Variants in HOXC4 observed in about 807,000 individuals in gnomAD.
HOXC4 encodes homeobox protein Hox-C4.
In HOXC4, 15 loss-of-function variants were observed where a neutral mutation model predicts 25.5. The ratio of observed to expected loss-of-function variants is 0.59; its 90% CI spans 0.39 to 0.91. The LOEUF (loss-of-function observed/expected upper bound fraction) is 0.91, where lower values mean the gene tolerates loss of function less well. HOXC4 is among the 40% of genes least tolerant of loss of function. HOXC4 has a pLI of 0.00. For missense variants in HOXC4, 342 were observed against 352.4 expected (o/e 0.97, Z 0.24); for synonymous variants, 165 against 148.0 (o/e 1.11, Z -0.83).
intron 1 of HOXC4, chr12:54,029,936 A>G: frequency 1.3e-6 from 2 of 1,594,382 alleles, no homozygotes; most frequent in Non-Finnish European, 1.7e-6. Flanking sequence ...GCGGGAAGAG[A>G]CAGAAGAGGA....
chr12:54,030,203 T>C (rs1940930354), intron 1 of HOXC4: 2 of 432,806 alleles, frequency 4.6e-6, no homozygotes, highest in South Asian at 8.9e-5. Context: ...TCGGCTTGTC[T>C]ACAGGCCCTT....
Position 54,054,270 on chromosome 12 carries a change from C to T in HOXC4, c.348C>T (p.Ala116=). 3 of 1,610,168 alleles carry T rather than the reference C, an allele frequency of 1.9e-6. No homozygotes were observed. Among genetic ancestry groups the T allele is most frequent in the Non-Finnish European group, 2.5e-6 (3 of 1,178,216 alleles). Reference sequence around the variant, plus strand: ...CCTCCCCGTCCCCAGCCCCGCCAGCCTGCAGCCAGCCAGCCCCCGACCATC... The same window carrying T: ...CCTCCCCGTCCCCAGCCCCGCCAGCTTGCAGCCAGCCAGCCCCCGACCATC... ...ASASPSPAPP[A]CSQPAPDHPS... is the part of the protein sequence containing the mutation. The change falls in exon 1 of 2, where the codon GCC becomes GCT. Residue 116 remains alanine (A), a synonymous_variant. Coordinates refer to ENST00000430889, the MANE Select transcript of HOXC4 (RefSeq NM_153633.3).
At chr12:54,033,348 T>C (rs1941063972) in intron 1 of HOXC4, 1 of 1,612,752 alleles carries the variant, frequency 6.2e-7, no homozygotes, top group South Asian at 1.1e-5. Flanking sequence ...CCGCCCCGCC[T>C]GCAGCGCCGC....
chr12:54,017,262 T>C (rs1352241816), exon 1 of HOXC4: 4 of 152,216 alleles, frequency 2.6e-5, no homozygotes, highest in African/African-American at 9.7e-5. Context: ...TGGATGATTA[T>C]AATTATTTTT....
chr12:54,054,232 T>TCAGGCGCCTCCGCCTCCCC lies in HOXC4; in HGVS notation c.311_329dup (p.Ser111ArgfsTer41). On this transcript the variant is annotated frameshift_variant, in exon 1 of 2. Transcript: ENST00000430889. LOFTEE classifies it high-confidence loss of function. Reference sequence around the variant, plus strand: ...GTCGCTCTGCGAGCCGGCGCCTCTCTCAGGCGCCTCCGCCTCCCCGTCCCC... The same window carrying TCAGGCGCCTCCGCCTCCCC: ...GTCGCTCTGCGAGCCGGCGCCTCTCTCAGGCGCCTCCGCCTCCCCCAGGCGCCTCCGCCTCCCCGTCCCC... The TCAGGCGCCTCCGCCTCCCC allele has an allele frequency of 6.2e-7, 1 of 1,609,888 alleles. No homozygotes were observed.
intron 1 of HOXC4, chr12:54,033,012 C>G (rs1941044924): frequency 6.3e-6 from 5 of 796,920 alleles, no homozygotes; most frequent in South Asian, 1.8e-5. Flanking sequence ...AAAGAGATAT[C>G]TCCACCTATA....
chr12:54,033,389 C>T (rs1242301235), intron 1 of HOXC4: 2 of 1,612,700 alleles, frequency 1.2e-6, no homozygotes, highest in South Asian at 1.1e-5. Flanking sequence ...CGGGCAGAGA[C>T]GAAGCGGCTC....
chr12:54,018,489 G>C (rs1340878097), intron 1 of HOXC4, among the ~76,000 whole-genome samples: 1 of 152,254 alleles, frequency 6.6e-6, no homozygotes, highest in Non-Finnish European at 1.5e-5. Context: ...CTGGGGCGGC[G>C]GGAGGGTCCT....
intron 1 of HOXC4, among the ~76,000 whole-genome samples, chr12:54,043,248 C>T (rs1941303444): frequency 1.3e-5 from 2 of 152,218 alleles, no homozygotes; most frequent in Admixed American, 6.5e-5. Flanking sequence ...CATCTGTACA[C>T]ATGTACAGAG....
chr12:54,046,821 G>T (rs1413067773), intron 1 of HOXC4, among the ~76,000 whole-genome samples: 1 of 151,698 alleles, frequency 6.6e-6, no homozygotes, highest in African/African-American at 2.4e-5. Flanking sequence ...CCCTTCCTTC[G>T]CCTCACCTTC....
At chr12:54,043,918 C>CCGTG (rs1400348357) in intron 1 of HOXC4, among the ~76,000 whole-genome samples, 1 of 127,272 alleles carries the variant, frequency 7.9e-6, no homozygotes, top group Admixed American at 7.9e-5. Flanking sequence ...AAAACACAGG[C>CCGTG]TGTGTGTGTG....
At chr12:54,028,383 C>T (rs1940823530) in intron 1 of HOXC4, 2 of 911,106 alleles carry the variant, frequency 2.2e-6, no homozygotes, top group South Asian at 1.9e-5. Context: ...TTGCGATTGG[C>T]TGGGAGGGGG....
chr12:54,044,564 A>G (rs2136459348), intron 1 of HOXC4, among the ~76,000 whole-genome samples: 1 of 152,296 alleles, frequency 6.6e-6, no homozygotes, highest in East Asian at 1.9e-4. Context: ...GTAGAACTTC[A>G]GATGTATAAG....
chr12:54,047,848 T>C (rs1937753107), intron 1 of HOXC4: 2 of 152,370 alleles, frequency 1.3e-5, no homozygotes, highest in Admixed American at 1.3e-4. Flanking sequence ...CCCGTTTTTG[T>C]GGGGTTGAGA....
At chr12:54,030,129 C>T in intron 1 of HOXC4, 3 of 628,874 alleles carry the variant, frequency 4.8e-6, no homozygotes, top group Non-Finnish European at 8.1e-6. Context: ...TGGACCCCCT[C>T]CCTCACCGCA....
upstream of HOXC4, among the ~76,000 whole-genome samples, chr12:54,052,193 G>A (rs1937861250): frequency 6.6e-6 from 1 of 152,166 alleles, no homozygotes; most frequent in Admixed American, 6.5e-5. Context: ...TCGTGGAAAG[G>A]AGGGAGCAGG....
intron 1 of HOXC4, chr12:54,033,300 G>T: frequency 6.2e-7 from 1 of 1,614,052 alleles, no homozygotes; most frequent in Non-Finnish European, 8.5e-7. Context: ...CTCTCTCCAC[G>T]GGGTAGACAT....
rs748310147 is a variant in HOXC4 at position 54,054,892 on chromosome 12, C to T, written c.482C>T (p.Thr161Ile). Residue 161 changes from threonine (T) to isoleucine (I), a missense_variant, in exon 2 of 2, where the codon ACA becomes ATA. By Grantham distance (89) the Thr-to-Ile change is moderately conservative. Coordinates refer to ENST00000430889, the MANE Select transcript of HOXC4 (RefSeq NM_153633.3). ...GGAGGGGAACCCAAGCGCTCGAGGA[C>T]AGCCTATACCCGGCAGCAAGTCCTG... ...YNGGEPKRSR[T>I]AYTRQQVLEL... 6.2e-7 allele frequency: 1 copy of T among 1,613,134 alleles called. No individual in the cohort carries two copies. Among genetic ancestry groups the T allele is most frequent in the South Asian group, 1.1e-5 (1 of 91,044 alleles).
intron 1 of HOXC4, among the ~76,000 whole-genome samples, chr12:54,026,152 G>A (rs188469321): frequency 3.3e-5 from 5 of 152,126 alleles, no homozygotes; most frequent in Admixed American, 6.5e-5. Flanking sequence ...TCTCTCTTCC[G>A]GCCTCTTCTA....
Sources: allele counts gnomAD v4.1 joint callset (sites outside exome capture counted in the v4.1 genomes callset), GRCh38; gene constraint gnomAD v4.1.1; transcripts MANE v1.5; gene names NCBI Gene and HGNC (gene_info 2026-07-23, HGNC 2026-07-21).